Variants in ZNF732 observed in about 807,000 individuals in gnomAD.
ZNF732 encodes the protein zinc finger protein 732.
In ZNF732, 12 loss-of-function variants were observed where a neutral mutation model predicts 11.5. The observed-to-expected ratio is 1.05, with a 90% CI of 0.67 to 1.70. The LOEUF is 1.70. ZNF732 is among the 40% of genes most tolerant of loss of function. The probability of loss-of-function intolerance (pLI) is 0.00; values close to 1 mark genes in which losing one functional copy is unlikely to be tolerated. For synonymous variants in ZNF732, 231 were observed against 236.5 expected (o/e 0.98, Z 0.21); for missense variants, 702 against 676.9 (o/e 1.04, Z -0.41).
intron 3 of ZNF732, among the ~76,000 whole-genome samples, chr4:285,540 G>A (rs542240387): frequency 2.6e-5 from 4 of 152,262 alleles, no homozygotes; most frequent in East Asian, 1.9e-4. Flanking sequence ...ATTGCCTAGC[G>A]TGCATGTGTG....
chr4:286,836 C>A (rs1048832188), intron 3 of ZNF732, among the ~76,000 whole-genome samples: 27 of 152,098 alleles, frequency 1.8e-4, no homozygotes, highest in Admixed American at 3.9e-4. Flanking sequence ...TATACAATAC[C>A]TCCTTTCAGA....
rs1553837847 is a variant in ZNF732 at position 272,252 on chromosome 4, T to C, written c.605A>G (p.Lys202Arg). 3 of 1,613,176 alleles carry C rather than the reference T, an allele frequency of 1.9e-6. No homozygotes were observed. Among genetic ancestry groups the C allele is most frequent in the Non-Finnish European group, 8.5e-7 (1 of 1,179,526 alleles). ...EKPYTCEECG[K>R]DFKWYLIFNE... ...AAAGATTAAATACCATTTAAAGTCT[T>C]TGCCACATTCTTCACATGTGTAGGG... Residue 202 changes from lysine (K) to arginine (R), a missense_variant, in exon 4 of 4, where the codon AAA (lysine) becomes AGA (arginine). By Grantham distance (26) the Lys-to-Arg change is conservative. Transcript: ENST00000419098.
At chr4:301,619 C>CA (rs1236695232) in intron 1 of ZNF732, among the ~76,000 whole-genome samples, 5 of 152,042 alleles carry the variant, frequency 3.3e-5, no homozygotes, top group African/African-American at 4.8e-5. Context: ...ATCACAAGGA[C>CA]AAAAAACCAA....
chr4:279,567 A>C (rs1430151040), intron 3 of ZNF732, among the ~76,000 whole-genome samples: 2 of 152,152 alleles, frequency 1.3e-5, no homozygotes, highest in African/African-American at 4.8e-5. Context: ...AAGAGAAAAA[A>C]ATGGCAGTTT....
rs188528807 is a variant in ZNF732 at position 291,356 on chromosome 4, C to A, written c.226+4082G>T. Among the ~76,000 whole-genome samples the A allele has an allele frequency of 6.7e-4, 102 of 152,046 alleles. 1 individual carries two copies. The highest frequency in any genetic ancestry group is 6.8e-3 in the Middle Eastern group (2 of 294). ...CTTGGCCTCTGAAAGTGCTGAATTA[C>A]AAAAAGGAACCAATATACCTAGCCC... On this transcript the variant is annotated intron_variant, in intron 3 of 3. Transcript: ENST00000419098.
At chr4:294,339 G>A (rs968273072) in intron 3 of ZNF732, among the ~76,000 whole-genome samples, 9 of 152,082 alleles carry the variant, frequency 5.9e-5, no homozygotes, top group Admixed American at 2.0e-4. Context: ...GCTTCACTTC[G>A]TTTCCAAGAA....
At position 272,658 on chromosome 4, in the gene ZNF732, G is replaced by C. The variant is rs1553838065; in HGVS notation, c.227-28C>G. ...GAAAGAAATAAAAATAAATTATCCTGCTTACTAGATTCATACGAATATACT... is the reference window on the plus strand; with the variant it reads ...GAAAGAAATAAAAATAAATTATCCTCCTTACTAGATTCATACGAATATACT... On this transcript the variant is annotated intron_variant, in intron 3 of 3. Coordinates refer to ENST00000419098, the MANE Select transcript of ZNF732 (RefSeq NM_001137608.3). The C allele has an allele frequency of 2.7e-6, 4 of 1,464,172 alleles. No homozygotes were observed. In the South Asian group the frequency reaches 6.2e-5, roughly 23 times the overall value. 90.7% of individuals were successfully genotyped at this position (1,464,172 alleles called of 1,614,324 possible). A position where few individuals can be genotyped will look rare whatever the true frequency, so the allele number is the denominator to read the frequency against.
At chr4:285,794 C>A (rs1458495410) in intron 3 of ZNF732, among the ~76,000 whole-genome samples, 1 of 152,218 alleles carries the variant, frequency 6.6e-6, no homozygotes, top group Non-Finnish European at 1.5e-5. Context: ...GGCTACAGTA[C>A]AGTGACACAA....
chr4:295,611 G>C lies in ZNF732; in HGVS notation c.131-78C>G. The C allele has an allele frequency of 5.0e-6, 6 of 1,199,210 alleles. No individual in the cohort carries two copies. In the South Asian group the frequency reaches 7.4e-5, roughly 15 times the overall value. The allele number at this position is 1,199,210 out of a possible 1,614,324, so 74.3% of individuals were successfully genotyped here. ...ACCTAATACTATACTAAGTAGAAAA[G>C]AGAAATTATGGAAGATCCTACATAA... On this transcript the variant is annotated intron_variant, in intron 2 of 3. Coordinates refer to ENST00000419098, the MANE Select transcript of ZNF732 (RefSeq NM_001137608.3).
chr4:281,279 C>T (rs1358567663), intron 3 of ZNF732, among the ~76,000 whole-genome samples: 4 of 152,156 alleles, frequency 2.6e-5, no homozygotes, highest in Non-Finnish European at 4.4e-5. Flanking sequence ...GACCTGAACA[C>T]TTTGGTCTCA....
chr4:275,778 A>T (rs568515887), intron 3 of ZNF732, among the ~76,000 whole-genome samples: 1 of 151,936 alleles, frequency 6.6e-6, no homozygotes, highest in South Asian at 2.1e-4. Context: ...ATAAAGATAA[A>T]TCTTGATGAC....
At chr4:299,496 T>TGTAC (rs1720059218) in intron 1 of ZNF732, among the ~76,000 whole-genome samples, 2 of 115,548 alleles carry the variant, frequency 1.7e-5, no homozygotes, top group African/African-American at 6.4e-5. Flanking sequence ...CATATGTGTG[T>TGTAC]ATATATACAC....
chr4:281,132 C>T (rs1258878197), intron 3 of ZNF732, among the ~76,000 whole-genome samples: 2 of 152,244 alleles, frequency 1.3e-5, no homozygotes, highest in East Asian at 1.9e-4. Flanking sequence ...CCCCTGTAGG[C>T]ATGCTGGCTG....
chr4:278,988 T>A (rs192686591), intron 3 of ZNF732, among the ~76,000 whole-genome samples: 74 of 152,340 alleles, frequency 4.9e-4, no homozygotes, highest in Non-Finnish European at 9.4e-4. Context: ...TGCTTATATA[T>A]CTGCATTGCC....
chr4:299,418 C>CATGTGTATAT (rs1560165132), intron 1 of ZNF732, among the ~76,000 whole-genome samples: 12 of 83,492 alleles, frequency 1.4e-4, no homozygotes, highest in Non-Finnish European at 2.2e-4. Flanking sequence ...TATATATACA[C>CATGTGTATAT]ATATATACAC....
At chr4:283,026 A>G (rs934459161) in intron 3 of ZNF732, among the ~76,000 whole-genome samples, 1 of 152,196 alleles carries the variant, frequency 6.6e-6, no homozygotes, top group African/African-American at 2.4e-5. Flanking sequence ...GCCCCCTCCA[A>G]AATTCATGTT....
chr4:305,407 G>A lies in ZNF732; in HGVS notation c.-97C>T. 3 of 1,560,582 alleles carry A rather than the reference G, an allele frequency of 1.9e-6. No individual in the cohort carries two copies. The highest frequency in any genetic ancestry group is 2.6e-6 in the Non-Finnish European group (3 of 1,145,692). On this transcript the variant is annotated 5_prime_UTR_variant, in exon 1 of 4. Transcript: ENST00000419098. ...AGGCTGAGGCTGTGACCGAATCACC[G>A]ACGCCTCCCTGAGGGGTGAAAGCAC...
At chr4:304,426 G>A (rs1720183334) in intron 1 of ZNF732, among the ~76,000 whole-genome samples, 1 of 152,140 alleles carries the variant, frequency 6.6e-6, no homozygotes, top group Non-Finnish European at 1.5e-5. Context: ...GCTCAGCCAT[G>A]TCTTTCTTCT....
intron 1 of ZNF732, among the ~76,000 whole-genome samples, chr4:296,471 C>G (rs782319727): frequency 6.6e-6 from 1 of 152,024 alleles, no homozygotes; most frequent in Non-Finnish European, 1.5e-5. Context: ...CACGCTTGAC[C>G]TTGGCCTCGC....
Sources: gnomAD v4.1 joint callset for allele counts (sites outside exome capture counted in the v4.1 genomes callset) on GRCh38, gnomAD v4.1.1 for gene constraint, MANE v1.5 for transcripts, NCBI Gene and HGNC (gene_info 2026-07-23, HGNC 2026-07-21) for gene names.